ATP11B: variants seen among roughly 807,000 people sequenced by gnomAD.
The protein encoded by ATP11B is ATPase phospholipid transporting 11B (putative).
In ATP11B, 81 loss-of-function variants were observed where a neutral mutation model predicts 157.8. The ratio of observed to expected loss-of-function variants is 0.51; its 90% CI spans 0.43 to 0.62. ATP11B has a LOEUF of 0.62. ATP11B is among the 20% of genes least tolerant of loss of function. The probability of loss-of-function intolerance (pLI) is 0.00; values close to 1 mark genes in which losing one functional copy is unlikely to be tolerated. For synonymous variants in ATP11B, 451 were observed against 469.4 expected (o/e 0.96, Z 0.51); for missense variants, 1,165 against 1,402.2 (o/e 0.83, Z 2.70).
chr3:182,818,790 T>G (rs1310295125), intron 1 of ATP11B, among the ~76,000 whole-genome samples: 2 of 152,122 alleles, frequency 1.3e-5, no homozygotes, highest in Non-Finnish European at 2.9e-5. Flanking sequence ...ACTTACGTAG[T>G]AGGTTACTAA....
chr3:182,862,789 TTTTTTACCATTA>T (rs1375737118), intron 12 of ATP11B, among the ~76,000 whole-genome samples: 4 of 151,890 alleles, frequency 2.6e-5, no homozygotes, highest in Admixed American at 2.6e-4. Context: ...TCATGCTGAC[TTTTTTACCATTA>T]TTTTTGTTCT....
intron 7 of ATP11B, among the ~76,000 whole-genome samples, chr3:182,838,836 A>G (rs1455102509): frequency 6.6e-6 from 1 of 151,682 alleles, no homozygotes; most frequent in Non-Finnish European, 1.5e-5. Context: ...TATTGCAAAC[A>G]TTTTATATGT....
At chr3:182,842,565 CA>C (rs925397913) in intron 8 of ATP11B, among the ~76,000 whole-genome samples, 2 of 151,948 alleles carry the variant, frequency 1.3e-5, no homozygotes, top group Admixed American at 6.6e-5. Flanking sequence ...TTCTTTACTC[CA>C]GAGTATAGGG....
At chr3:182,887,459 T>C in intron 23 of ATP11B, 127 bp from the exon 24 acceptor site, 1 of 635,604 alleles carries the variant, frequency 1.6e-6, no homozygotes, top group Non-Finnish European at 2.5e-6. Flanking sequence ...TTAATTGGAG[T>C]TACTAAAATG....
At chr3:182,803,834 G>A (rs927275979) in intron 1 of ATP11B, among the ~76,000 whole-genome samples, 1 of 152,096 alleles carries the variant, frequency 6.6e-6, no homozygotes, top group African/African-American at 2.4e-5. Context: ...CACATACTCT[G>A]TCATATACCA....
intron 1 of ATP11B, among the ~76,000 whole-genome samples, chr3:182,814,727 G>A (rs1716871188): frequency 6.6e-6 from 1 of 152,130 alleles, no homozygotes; most frequent in African/African-American, 2.4e-5. Flanking sequence ...AGGATCGCTT[G>A]AGCCTGGGAA....
At chr3:182,815,181 G>T (rs559181009) in intron 1 of ATP11B, among the ~76,000 whole-genome samples, 1 of 152,090 alleles carries the variant, frequency 6.6e-6, no homozygotes, top group African/African-American at 2.4e-5. Context: ...TTGGAAGACC[G>T]GACTGGTCTG....
intron 4 of ATP11B, chr3:182,833,808 A>C (rs1718336857): frequency 6.6e-6 from 1 of 152,242 alleles, no homozygotes; most frequent in South Asian, 2.1e-4. Context: ...GAAGAAGATG[A>C]GGTAGAAATG....
intron 28 of ATP11B, among the ~76,000 whole-genome samples, chr3:182,904,732 ACAAAAATTAGCT>A (rs1724207707): frequency 6.6e-6 from 1 of 152,102 alleles, no homozygotes; most frequent in Non-Finnish European, 1.5e-5. Flanking sequence ...TACTAAAAAT[ACAAAAATTAGCT>A]GGGGTGTGGT....
At chr3:182,874,048 A>T in intron 19 of ATP11B, 33 bp downstream of exon 19, 1 of 1,587,210 alleles carries the variant, frequency 6.3e-7, no homozygotes, top group Non-Finnish European at 8.6e-7. Flanking sequence ...CATACCTTTC[A>T]GGGGTTAGCA....
intron 1 of ATP11B, among the ~76,000 whole-genome samples, chr3:182,816,530 C>T (rs1218270518): frequency 1.3e-5 from 2 of 152,166 alleles, no homozygotes; most frequent in Non-Finnish European, 2.9e-5. Flanking sequence ...TGAAACTATG[C>T]TTGAACTTCA....
intron 1 of ATP11B, among the ~76,000 whole-genome samples, chr3:182,802,795 TTGTC>T (rs1223893216): frequency 2.0e-5 from 3 of 152,150 alleles, no homozygotes; most frequent in African/African-American, 7.2e-5. Flanking sequence ...GGAAGGGATT[TTGTC>T]TGCTTTAGTT....
At position 182,829,685 on chromosome 3, in the gene ATP11B, C is replaced by T. The variant is rs1351493096; in HGVS notation, c.248C>T (p.Thr83Ile). The change falls in exon 4 of 30, where the codon ACA becomes ATA. Residue 83 changes from threonine to isoleucine, a missense_variant. Physicochemically the swap from Thr to Ile is moderately conservative, Grantham distance 89 (BLOSUM62 -1). Around this residue, in one of 4 missense-constraint regions of ATP11B, gnomAD observed 34 missense variants for 79.6 expected, o/e 0.43. Coordinates refer to ENST00000323116, the MANE Select transcript of ATP11B (RefSeq NM_014616.3). Reference protein sequence around the residue: ...IIFLVQLMIDTPTSPVTSGLP... With the variant: ...IIFLVQLMIDIPTSPVTSGLP... Reference sequence around the variant, plus strand: ...TTATAAATCTAGCTTATGATTGATACACCTACCAGTCCAGTTACCAGTGGA... The same window carrying T: ...TTATAAATCTAGCTTATGATTGATATACCTACCAGTCCAGTTACCAGTGGA... 1 of 1,600,560 alleles carries T rather than the reference C, an allele frequency of 6.2e-7. No homozygotes were observed. The highest frequency in any genetic ancestry group is 1.1e-5 in the South Asian group (1 of 90,016).
chr3:182,862,532 TA>T (rs1720922338), intron 12 of ATP11B, among the ~76,000 whole-genome samples: 1 of 152,168 alleles, frequency 6.6e-6, no homozygotes, highest in African/African-American at 2.4e-5. Flanking sequence ...GTTGCTCCAA[TA>T]AATGAGGGGC....
intron 12 of ATP11B, among the ~76,000 whole-genome samples, chr3:182,863,569 T>G (rs1398682584): frequency 6.6e-6 from 1 of 152,082 alleles, no homozygotes; most frequent in Non-Finnish European, 1.5e-5. Context: ...CTATTTTGTC[T>G]TTTACCAATG....
At chr3:182,884,224 T>C (rs182887910) in intron 21 of ATP11B, among the ~76,000 whole-genome samples, 4 of 152,226 alleles carry the variant, frequency 2.6e-5, no homozygotes, top group African/African-American at 9.6e-5. Flanking sequence ...TGCACTGATT[T>C]CAAATGATAT....
chr3:182,795,091 G>T (rs753539134), intron 1 of ATP11B, among the ~76,000 whole-genome samples: 1 of 151,558 alleles, frequency 6.6e-6, no homozygotes, highest in Non-Finnish European at 1.5e-5. Context: ...TACAAATGTT[G>T]GGTCTCTGTT....
At chr3:182,850,183 C>G (rs781675142) in intron 10 of ATP11B, among the ~76,000 whole-genome samples, 10 of 152,026 alleles carry the variant, frequency 6.6e-5, no homozygotes, top group Admixed American at 1.3e-4. Context: ...TATAAATAAT[C>G]AACTCAACGC....
intron 22 of ATP11B, 95 bp from the exon 23 acceptor site, chr3:182,885,856 G>T: frequency 1.3e-6 from 1 of 756,526 alleles, no homozygotes; most frequent in Non-Finnish European, 2.0e-6. Flanking sequence ...AACTGAGATT[G>T]TTTTTGGACA....
Sources: gnomAD v4.1 joint callset for allele counts (sites outside exome capture counted in the v4.1 genomes callset) on GRCh38, gnomAD v4.1.1 for gene constraint, gnomAD v4.1.1 regional missense constraint, MANE v1.5 for transcripts, NCBI Gene and HGNC (gene_info 2026-07-23, HGNC 2026-07-21) for gene names.